Variants in CD72 observed in about 807,000 individuals in gnomAD.
CD72 encodes the protein CD72 molecule.
A neutral mutation model predicts 50.7 loss-of-function variants in CD72; 28 were observed. The observed-to-expected ratio is 0.55, with a 90% CI of 0.41 to 0.76. CD72 has a LOEUF of 0.76. Ranked by LOEUF, CD72 falls within the 30% of genes least tolerant of loss-of-function variation. The pLI, the probability that CD72 is intolerant of heterozygous loss-of-function variation, is 0.00. For synonymous variants in CD72, 176 were observed against 171.2 expected (o/e 1.03, Z -0.22); for missense variants, 403 against 420.6 (o/e 0.96, Z 0.37).
At chr9:35,618,836 G>T (rs532003947), upstream of CD72, 33 of 1,198,062 alleles carry the variant, frequency 2.8e-5, no homozygotes, top group South Asian at 3.6e-4. Flanking sequence ...CATCCTGGGG[G>T]TTCCAGTAAC....
At chr9:35,644,466 C>A (rs1337690813) in intron 1 of CD72, among the ~76,000 whole-genome samples, 1 of 151,376 alleles carries the variant, frequency 6.6e-6, no homozygotes, top group Non-Finnish European at 1.5e-5. Context: ...AACAAGGAAG[C>A]CAACTTTGGT....
chr9:35,617,967 C>A, intron 2 of CD72, 47 bp downstream of exon 2: 1 of 1,143,444 alleles, frequency 8.7e-7, no homozygotes, highest in Non-Finnish European at 1.3e-6. Flanking sequence ...CTCCCCAGCT[C>A]AAGACACAGC....
At chr9:35,623,994 C>G (rs1314259681), upstream of CD72, among the ~76,000 whole-genome samples, 1 of 151,852 alleles carries the variant, frequency 6.6e-6, no homozygotes, top group Admixed American at 6.6e-5. Context: ...CTTTGGGAGG[C>G]TGAAGTCGGT....
At chr9:35,641,520 G>C (rs1277231875) in intron 1 of CD72, among the ~76,000 whole-genome samples, 1 of 151,920 alleles carries the variant, frequency 6.6e-6, no homozygotes, top group South Asian at 2.1e-4. Flanking sequence ...TTTGGTGAAG[G>C]GTTTAAAGTA....
intron 1 of CD72, among the ~76,000 whole-genome samples, chr9:35,627,367 C>A (rs1011668417): frequency 1.5e-4 from 22 of 146,588 alleles, no homozygotes; most frequent in South Asian, 8.8e-4. Context: ...TGAGCTCAAG[C>A]AATTCACCCA....
intron 8 of CD72, 111 bp downstream of exon 8, chr9:35,610,490 TC>T (rs1379699908): frequency 1.7e-6 from 1 of 575,156 alleles, no homozygotes; most frequent in African/African-American, 2.0e-5. Context: ...GGAGGAACTT[TC>T]ATCCCAGGTA....
At chr9:35,628,810 G>A (rs566858956) in intron 1 of CD72, among the ~76,000 whole-genome samples, 9 of 152,284 alleles carry the variant, frequency 5.9e-5, no homozygotes, top group African/African-American at 2.2e-4. Context: ...TTCTACACTG[G>A]CTCTCAGAGT....
In CD72 at chr9:35,645,199, C is replaced by CAA. The variant is rs539705878; in HGVS notation, n.408+1202_408+1203dup. Among the ~76,000 whole-genome samples, 386 of 95,010 alleles carry CAA rather than the reference C, an allele frequency of 4.1e-3. 2 individuals carry two copies. The highest frequency in any genetic ancestry group is 0.019 in the South Asian group (58 of 3,054). The allele number at this position is 95,010 out of a possible 152,430, so 62.3% of individuals were successfully genotyped here. ...GGGCAACAAGAGCGAAACTCCGTCT[C>CAA]AAAAAAAAAAAAAAAAAGGAATTCA... On this transcript the variant is annotated intron_variant and non_coding_transcript_variant, in intron 1 of 3. Coordinates refer to the CD72 transcript ENST00000465754.
chr9:35,622,016 C>T (rs543224237), upstream of CD72, among the ~76,000 whole-genome samples: 1 of 152,182 alleles, frequency 6.6e-6, no homozygotes, highest in East Asian at 1.9e-4. Context: ...GCAAGAGTTT[C>T]GTGAACTGTG....
upstream of CD72, among the ~76,000 whole-genome samples, chr9:35,622,747 A>G (rs933801232): frequency 1.3e-5 from 2 of 151,986 alleles, no homozygotes; most frequent in African/African-American, 2.4e-5. Context: ...AGGTGGTGCC[A>G]CTGCACTCCA....
intron 7 of CD72, among the ~76,000 whole-genome samples, chr9:35,610,973 T>G (rs1385013769): frequency 3.3e-5 from 5 of 151,964 alleles, no homozygotes; most frequent in Non-Finnish European, 7.4e-5. Flanking sequence ...AAGGCCAGGC[T>G]GGGCACGGTG....
Position 35,618,347 on chromosome 9 carries a change from C to G in CD72, c.-44G>C, listed in dbSNP as rs765686971. 4.3e-6 allele frequency: 7 copies of G among 1,613,194 alleles called. No individual in the cohort carries two copies. The South Asian group carries it at 7.7e-5, about 18-fold the overall frequency. On this transcript the variant is annotated 5_prime_UTR_variant, in exon 1 of 9. Transcript: ENST00000259633. ...CCCCACTCGTCTTCCCTGTCATCCA[C>G]TGTCCTCCCTTGCCCCTCTCGTCTC... is the stretch of plus-strand genomic sequence containing the variant.
Position 35,612,853 on chromosome 9 carries a change from G to C in CD72, c.829C>G (p.Gln277Glu). 6.2e-7 allele frequency: 1 copy of C among 1,614,080 alleles called. No individual in the cohort carries two copies. Among genetic ancestry groups the C allele is most frequent in the Non-Finnish European group, 8.5e-7 (1 of 1,179,938 alleles). The change falls in exon 6 of 9, where the codon CAA becomes GAA. Residue 277 changes from glutamine (Q) to glutamate (E), a missense_variant. Coordinates refer to ENST00000259633, the MANE Select transcript of CD72 (RefSeq NM_001782.3). ...GTGAGTAAGGATATGCTTACTGATT[G>C]TGGATAAATTTCACTGAATGTGGCC... ...KLATFSEIYPQSHSYYFLNSL... is the reference protein window; with the variant it reads ...KLATFSEIYPESHSYYFLNSL...
chr9:35,617,071 G>C, intron 3 of CD72, 105 bp downstream of exon 3: 1 of 1,499,916 alleles, frequency 6.7e-7, no homozygotes, highest in Non-Finnish European at 8.9e-7. Context: ...GACTGCGCCC[G>C]GGTTTATCCC....
chr9:35,631,892 A>AAAAT (rs199602404), intron 1 of CD72, among the ~76,000 whole-genome samples: 4,144 of 151,944 alleles, frequency 0.027, 84 homozygotes, highest in Middle Eastern at 0.041. Flanking sequence ...GACTCCACTC[A>AAAAT]AAATAAATAA....
intron 1 of CD72, among the ~76,000 whole-genome samples, chr9:35,638,445 T>C (rs996535153): frequency 1.4e-4 from 22 of 152,228 alleles, no homozygotes; most frequent in Admixed American, 6.5e-4. Flanking sequence ...CTTACAGTTT[T>C]GTTCTGCGAC....
intron 1 of CD72, among the ~76,000 whole-genome samples, chr9:35,632,663 A>C (rs1823256927): frequency 6.9e-6 from 1 of 145,666 alleles, no homozygotes; most frequent in South Asian, 2.2e-4. Flanking sequence ...TGCAACCTCT[A>C]CCTCCTGGGT....
At position 35,612,934 on chromosome 9, in the gene CD72, T is replaced by G; in HGVS notation, c.748A>C (p.Thr250Pro). The change falls in exon 6 of 9, where the codon ACT becomes CCT. Residue 250 changes from threonine to proline, a missense_variant. Thr to Pro is a conservative substitution (Grantham distance 38). Coordinates refer to ENST00000259633, the MANE Select transcript of CD72 (RefSeq NM_001782.3). ...TGGCTCTCCTGCCAATTTTTTGAAG[T>G]AAGTGAGATGTAAAAGCAGCTTTTC... ...HQKSCFYISL[T>P]SKNWQESQKQ... 6.2e-7 allele frequency: 1 copy of G among 1,614,036 alleles called. No homozygotes were observed. The highest frequency in any genetic ancestry group is 8.5e-7 in the Non-Finnish European group (1 of 1,179,890).
intron 3 of CD72, 117 bp from the exon 4 acceptor site, chr9:35,616,806 C>A: frequency 9.6e-7 from 1 of 1,036,648 alleles, no homozygotes. Context: ...GAGGGCGGTG[C>A]AGAGCTGAGG....
Sources: gnomAD v4.1 joint callset for allele counts (sites outside exome capture counted in the v4.1 genomes callset) on GRCh38, gnomAD v4.1.1 for gene constraint, MANE v1.5 for transcripts, NCBI Gene and HGNC (gene_info 2026-07-23, HGNC 2026-07-21) for gene names.